ABCA13: variants seen among roughly 807,000 people sequenced by gnomAD.
ABCA13 encodes the protein ATP binding cassette subfamily A member 13.
In ABCA13, 476 loss-of-function variants were observed where a neutral mutation model predicts 478.7. The observed-to-expected ratio is 0.99, with a 90% CI of 0.92 to 1.07. The LOEUF (loss-of-function observed/expected upper bound fraction) is 1.07, where lower values mean the gene tolerates loss of function less well. ABCA13 is among the 50% of genes least tolerant of loss of function. The probability of loss-of-function intolerance (pLI) is 0.00; values close to 1 mark genes in which losing one functional copy is unlikely to be tolerated. For synonymous variants in ABCA13, 2,252 were observed against 2,158.9 expected (o/e 1.04, Z -1.20); for missense variants, 6,060 against 5,910.6 (o/e 1.03, Z -0.83).
chr7:48,429,851 G>T (rs1328871652), intron 42 of ABCA13, among the ~76,000 whole-genome samples: 1 of 152,034 alleles, frequency 6.6e-6, no homozygotes, highest in Admixed American at 6.5e-5. Context: ...TATTTATATG[G>T]TATATTTTTG....
intron 20 of ABCA13, among the ~76,000 whole-genome samples, chr7:48,293,191 A>AGCC (rs1554419529): frequency 1.1e-4 from 11 of 98,736 alleles, no homozygotes; most frequent in Non-Finnish European, 2.3e-4. Flanking sequence ...AGAAGTCTTC[A>AGCC]GCCCCCCCCC....
intron 5 of ABCA13, among the ~76,000 whole-genome samples, chr7:48,225,742 T>G (rs1788115784): frequency 6.6e-6 from 1 of 152,168 alleles, no homozygotes; most frequent in South Asian, 2.1e-4. Flanking sequence ...CTTGTGTTTT[T>G]TAAGATGGCA....
chr7:48,373,411 A>T (rs1414059084), intron 33 of ABCA13, among the ~76,000 whole-genome samples: 1 of 152,170 alleles, frequency 6.6e-6, no homozygotes, highest in Non-Finnish European at 1.5e-5. Flanking sequence ...AAGCCAAGTG[A>T]TTTGTCTTCA....
At chr7:48,412,687 A>C in intron 41 of ABCA13, 104 bp downstream of exon 41, 2 of 685,008 alleles carry the variant, frequency 2.9e-6, no homozygotes, top group South Asian at 3.8e-5. Flanking sequence ...GGTAAGGGGG[A>C]GGAGTGTGCA....
At chr7:48,497,942 G>C (rs1209942237) in intron 48 of ABCA13, among the ~76,000 whole-genome samples, 1 of 152,188 alleles carries the variant, frequency 6.6e-6, no homozygotes, top group East Asian at 1.9e-4. Context: ...AGGGTACTGA[G>C]TAGCCGTATT....
chr7:48,606,605 C>G (rs1409257284), intron 58 of ABCA13, among the ~76,000 whole-genome samples: 1 of 152,152 alleles, frequency 6.6e-6, no homozygotes, highest in Non-Finnish European at 1.5e-5. Flanking sequence ...CAGAGGGTCA[C>G]CTACCAAATA....
intron 35 of ABCA13, among the ~76,000 whole-genome samples, chr7:48,387,088 C>G (rs1347113387): frequency 1.3e-5 from 2 of 152,002 alleles, no homozygotes; most frequent in Non-Finnish European, 2.9e-5. Flanking sequence ...TTGCATATCT[C>G]TCTTCTGCTT....
At chr7:48,400,001 A>G (rs56121578) in intron 38 of ABCA13, among the ~76,000 whole-genome samples, 2,824 of 151,402 alleles carry the variant, frequency 0.019, 72 homozygotes, top group African/African-American at 0.064. Flanking sequence ...TGTTCCTTGC[A>G]TATGCTATTC....
intron 26 of ABCA13, among the ~76,000 whole-genome samples, chr7:48,315,199 G>T (rs987522359): frequency 6.6e-6 from 1 of 152,150 alleles, no homozygotes; most frequent in African/African-American, 2.4e-5. Flanking sequence ...TAGCATAAGG[G>T]TATAAATGTA....
chr7:48,319,418 T>A (rs1356042050), intron 27 of ABCA13, among the ~76,000 whole-genome samples: 2 of 152,206 alleles, frequency 1.3e-5, no homozygotes, highest in Non-Finnish European at 2.9e-5. Context: ...CATGGCTATT[T>A]GGTTTTATGA....
intron 45 of ABCA13, among the ~76,000 whole-genome samples, chr7:48,477,289 G>T (rs902687804): frequency 2.6e-5 from 4 of 152,254 alleles, no homozygotes; most frequent in African/African-American, 9.6e-5. Context: ...TACACTGTTG[G>T]TGGGACTGTA....
intron 31 of ABCA13, among the ~76,000 whole-genome samples, chr7:48,356,035 C>T (rs995461312): frequency 1.3e-5 from 2 of 151,808 alleles, no homozygotes; most frequent in African/African-American, 4.9e-5. Flanking sequence ...GGGCCCCTCC[C>T]ATGAAGAGGT....
chr7:48,367,867 G>A lies in ABCA13; in HGVS notation c.10762G>A (p.Val3588Ile), dbSNP rs550147047. The A allele has an allele frequency of 1.9e-6, 3 of 1,582,148 alleles. No homozygotes were observed. In the African/African-American group the frequency reaches 4.0e-5, roughly 21 times the overall value. The change falls in exon 32 of 62, where the codon GTC becomes ATC. Residue 3588 changes from valine (V) to isoleucine (I), a missense_variant. Val to Ile is a conservative substitution (Grantham distance 29). Around this residue, in one of 3 missense-constraint regions of ABCA13, gnomAD observed 4,423 missense variants for 4,309.1 expected, o/e 1.03. Coordinates refer to ENST00000435803, the MANE Select transcript of ABCA13 (RefSeq NM_152701.5). ...LTWMVSVASM[V>I]RKLVYEQEIQ... is the part of the protein sequence containing the mutation. ...GTGGATGGTGTCTGTGGCCAGCATG[G>A]TCAGAAAGTTGGTGTATGAGCAGGA...
chr7:48,594,017 C>T (rs1199453103), intron 57 of ABCA13, among the ~76,000 whole-genome samples: 1 of 151,914 alleles, frequency 6.6e-6, no homozygotes, highest in East Asian at 1.9e-4. Flanking sequence ...TATTGCGTAT[C>T]TCAGTGAATA....
chr7:48,575,313 G>GT (rs933615890), intron 55 of ABCA13, among the ~76,000 whole-genome samples: 4 of 152,044 alleles, frequency 2.6e-5, no homozygotes, highest in African/African-American at 9.7e-5. Context: ...TAAGGGAATG[G>GT]TTTTTTAAAA....
At chr7:48,617,321 T>C (rs1011368771) in intron 59 of ABCA13, among the ~76,000 whole-genome samples, 6 of 152,144 alleles carry the variant, frequency 3.9e-5, no homozygotes, top group Non-Finnish European at 7.3e-5. Flanking sequence ...TCCATGAACA[T>C]GAATTGTTAG....
At chr7:48,362,110 TATTTTAGGGCAGAGA>T (rs1810947619) in intron 31 of ABCA13, among the ~76,000 whole-genome samples, 1 of 151,976 alleles carries the variant, frequency 6.6e-6, no homozygotes, top group Non-Finnish European at 1.5e-5. Context: ...TCTAATTCCC[TATTTTAGGGCAGAGA>T]ATTTGGTCTG....
Position 48,645,749 on chromosome 7 carries a change from A to C in ABCA13, c.*237A>C. ...CTCCAAAACATTTGTTCTCTTTACCATGCCAGATGGACACCAGCTTCTTTG... is the reference window on the plus strand; with the variant it reads ...CTCCAAAACATTTGTTCTCTTTACCCTGCCAGATGGACACCAGCTTCTTTG... On this transcript the variant is annotated 3_prime_UTR_variant, in exon 62 of 62. Coordinates refer to ENST00000435803, the MANE Select transcript of ABCA13 (RefSeq NM_152701.5). The C allele has an allele frequency of 2.3e-6, 1 of 438,406 alleles. No homozygotes were observed. 27.2% of individuals were successfully genotyped at this position (438,406 alleles called of 1,614,324 possible).
Position 48,524,375 on chromosome 7 carries a change from T to C in ABCA13, c.14179T>C (p.Tyr4727His), listed in dbSNP as rs536637580. ...TGTGTTATACAACCTTAGTAAACAT[T>C]ATCGACGCTTTTTCCAGAATATTAT... ...ILVLYNLSKHYRRFFQNIIAV... is the reference protein window; with the variant it reads ...ILVLYNLSKHHRRFFQNIIAV... The change falls in exon 54 of 62, where the codon TAT becomes CAT. Residue 4727 changes from tyrosine (Y) to histidine (H), a missense_variant. Transcript: ENST00000435803. 6.2e-7 allele frequency: 1 copy of C among 1,613,202 alleles called. No individual in the cohort carries two copies. The highest frequency in any genetic ancestry group is 1.3e-5 in the African/African-American group (1 of 75,024).
Sources: allele counts gnomAD v4.1 joint callset (sites outside exome capture counted in the v4.1 genomes callset), GRCh38; gene constraint gnomAD v4.1.1; regional missense constraint gnomAD v4.1.1; transcripts MANE v1.5; gene names NCBI Gene and HGNC (gene_info 2026-07-23, HGNC 2026-07-21).